TSC1: variants seen among roughly 807,000 people sequenced by gnomAD.
The protein encoded by TSC1 is hamartin.
TSC1 carries 20 observed loss-of-function variants against 124.3 expected under a neutral mutation model. The ratio of observed to expected loss-of-function variants is 0.16; its 90% CI spans 0.11 to 0.23. The LOEUF is 0.23. TSC1 is among the 10% of genes least tolerant of loss of function. The pLI is 1.00. For synonymous variants in TSC1, 493 were observed against 539.1 expected (o/e 0.91, Z 1.19); for missense variants, 1,124 against 1,448.5 (o/e 0.78, Z 3.64).
rs2131999442 is a variant in TSC1, at chr9:132,912,358, G to C, written c.837C>G (p.His279Gln). Residue 279 changes from histidine to glutamine, a missense_variant, in exon 9 of 23, where the codon CAC becomes CAG. Transcript: ENST00000298552. Reference protein sequence around the residue: ...ASYEDGYSVSHQISARFPHRS... With the variant: ...ASYEDGYSVSQQISARFPHRS... ...GATGAGGAAAGCGGGCTGAGATTTG[G>C]TGAGACACAGAATAGCCATCTTCAT... The C allele has an allele frequency of 6.2e-7, 1 of 1,614,218 alleles. No individual in the cohort carries two copies. The highest frequency in any genetic ancestry group is 8.5e-7 in the Non-Finnish European group (1 of 1,180,048).
At chr9:132,900,909 G>A in intron 19 of TSC1, 72 bp from the exon 20 acceptor site, 2 of 1,605,912 alleles carry the variant, frequency 1.2e-6, no homozygotes, top group Admixed American at 3.3e-5. Context: ...ATTAAACAGG[G>A]AATCAGCTAG....
chr9:132,900,305 C>CA (rs1845299812), intron 20 of TSC1: 1 of 263,276 alleles, frequency 3.8e-6, no homozygotes, highest in African/African-American at 2.2e-5. Context: ...ACTGAACTAC[C>CA]ATCTGCAGAA....
chr9:132,900,635 C>T (rs1406057714), intron 20 of TSC1, 80 bp downstream of exon 20: 2 of 1,606,624 alleles, frequency 1.2e-6, no homozygotes, highest in Non-Finnish European at 1.7e-6. Context: ...TCAAGCCATT[C>T]TCTATGCCAT....
chr9:132,930,927 G>A (rs760822847), intron 2 of TSC1, among the ~76,000 whole-genome samples: 4 of 152,128 alleles, frequency 2.6e-5, no homozygotes, highest in Non-Finnish European at 4.4e-5. Context: ...AGATTCTACC[G>A]TAAAAGTTCA....
intron 12 of TSC1, among the ~76,000 whole-genome samples, chr9:132,909,172 G>C (rs1845820108): frequency 6.6e-6 from 1 of 152,058 alleles, no homozygotes; most frequent in South Asian, 2.1e-4. Context: ...CAAAGTGCTG[G>C]GTTACAGGTG....
intron 1 of TSC1, among the ~76,000 whole-genome samples, chr9:132,940,087 T>G (rs883838): frequency 0.42 from 64,340 of 151,874 alleles, 14,757 homozygotes; most frequent in South Asian, 0.6. Context: ...TTCTGCCAGG[T>G]GCTAAAGGTA....
Position 132,906,578 on chromosome 9 carries a change from T to A in TSC1, c.1438+153A>T. On this transcript the variant is annotated intron_variant, in intron 14 of 22. Transcript: ENST00000298552. The surrounding 1 kb of genome is among the most constrained non-coding windows in gnomAD (Gnocchi z 4.1). ...AAAAAAAAAAAAAAAGTGGCATCACTTTACCTGGCATAGGTCCCAGACTAA... is the reference window on the plus strand; with the variant it reads ...AAAAAAAAAAAAAAAGTGGCATCACATTACCTGGCATAGGTCCCAGACTAA... 1.5e-6 allele frequency: 1 copy of A among 665,068 alleles called. No individual in the cohort carries two copies. Among genetic ancestry groups the A allele is most frequent in the Non-Finnish European group, 2.6e-6 (1 of 384,518 alleles). The allele number at this position is 665,068 out of a possible 1,614,324, so 41.2% of individuals were successfully genotyped here.
At chr9:132,910,160 G>T in intron 12 of TSC1, 1 of 309,482 alleles carries the variant, frequency 3.2e-6, no homozygotes. Flanking sequence ...ACTTAGCCAG[G>T]CATCATGGCA....
chr9:132,941,349 C>T (rs1847727631), intron 1 of TSC1: 1 of 152,138 alleles, frequency 6.6e-6, no homozygotes, highest in African/African-American at 2.4e-5. Context: ...CATAAAGTTA[C>T]TAATTTCTAG....
Position 132,906,238 on chromosome 9 carries a change from CAGAG to C in TSC1, c.1439-103_1439-100del, listed in dbSNP as rs1845665397. 4.4e-6 allele frequency: 6 copies of C among 1,359,936 alleles called. No individual in the cohort carries two copies. Among genetic ancestry groups the C allele is most frequent in the African/African-American group, 4.3e-5 (3 of 69,660 alleles). 84.2% of individuals were successfully genotyped at this position (1,359,936 alleles called of 1,614,324 possible). ...CATGCTGCCACATGCCAGTGTCACT[CAGAG>C]AGAGGAGAAAAAGTGGCATCCGGCT... On this transcript the variant is annotated intron_variant, in intron 14 of 22. Transcript: ENST00000298552. The surrounding 1 kb of genome is among the most constrained non-coding windows in gnomAD (Gnocchi z 4.1).
At chr9:132,914,699 A>T (rs1180826911) in intron 8 of TSC1, among the ~76,000 whole-genome samples, 1 of 137,764 alleles carries the variant, frequency 7.3e-6, no homozygotes, top group East Asian at 2.0e-4. Context: ...TTAAAAAAAA[A>T]ATACAAAAAA....
At chr9:132,908,371 G>A (rs550551957) in intron 12 of TSC1, among the ~76,000 whole-genome samples, 21 of 152,200 alleles carry the variant, frequency 1.4e-4, no homozygotes, top group Non-Finnish European at 2.6e-4. Flanking sequence ...CATTCAGTCT[G>A]TTGCAATATG....
At chr9:132,911,672 C>T (rs528801431) in intron 9 of TSC1, 104 bp from the exon 10 acceptor site, 1 of 681,376 alleles carries the variant, frequency 1.5e-6, no homozygotes, top group Non-Finnish European at 2.5e-6. Flanking sequence ...TCCTCTAGAC[C>T]ATTTGATAAT....
In TSC1 at chr9:132,894,693, T is replaced by TAAA. The variant is rs748099884; in HGVS notation, c.*1539_*1541dup. On this transcript the variant is annotated 3_prime_UTR_variant, in exon 23 of 23. Transcript: ENST00000298552. ...GATGCTAGAATATTTATTGCCATGC[T>TAAA]AAAAAAAAAAAAAAAAAAAAAAGAC... is the stretch of plus-strand genomic sequence containing the variant. 7 of 114,072 alleles carry TAAA rather than the reference T, an allele frequency of 6.1e-5. No individual in the cohort carries two copies. Among genetic ancestry groups the TAAA allele is most frequent in the African/African-American group, 1.2e-4 (3 of 25,380 alleles). The allele number at this position is 114,072 out of a possible 1,614,324, so 7.1% of individuals were successfully genotyped here. A position where few individuals can be genotyped will look rare whatever the true frequency, so the allele number is the denominator to read the frequency against.
chr9:132,894,783 T>G lies in TSC1; in HGVS notation c.*1452A>C, dbSNP rs969974293. The G allele has an allele frequency of 1.1e-4, 24 of 226,760 alleles. No individual in the cohort carries two copies. Among genetic ancestry groups the G allele is most frequent in the Non-Finnish European group, 1.8e-4 (20 of 114,224 alleles). 14.0% of individuals were successfully genotyped at this position (226,760 alleles called of 1,614,324 possible). On this transcript the variant is annotated 3_prime_UTR_variant, in exon 23 of 23. Transcript: ENST00000298552. Reference sequence around the variant, plus strand: ...TTTCGTACCGTGACAGTTTTTTACCTCTTTATGACTGAATCCTTCTATTCT... The same window carrying G: ...TTTCGTACCGTGACAGTTTTTTACCGCTTTATGACTGAATCCTTCTATTCT...
intron 8 of TSC1, among the ~76,000 whole-genome samples, chr9:132,919,615 A>G (rs1441792322): frequency 6.6e-6 from 1 of 152,184 alleles, no homozygotes; most frequent in East Asian, 1.9e-4. Flanking sequence ...ATCCTTCCTC[A>G]AAAAGCTCCT....
rs1243659943 is a variant in TSC1, at chr9:132,923,479, A to G, written c.377T>C (p.Val126Ala). 6.2e-7 allele frequency: 1 copy of G among 1,614,142 alleles called. No homozygotes were observed. Among genetic ancestry groups the G allele is most frequent in the Admixed American group, 1.7e-5 (1 of 60,018 alleles). Residue 126 changes from valine (V) to alanine (A), a missense_variant, in exon 6 of 23, where the codon GTC (valine) becomes GCC (alanine). Val to Ala is a moderately conservative substitution (Grantham distance 64, BLOSUM62 0). Around this residue, in one of 5 missense-constraint regions of TSC1, gnomAD observed 463 missense variants for 606.8 expected, o/e 0.76. Coordinates refer to ENST00000298552, the MANE Select transcript of TSC1 (RefSeq NM_000368.5). The surrounding 1 kb of genome is among the most constrained non-coding windows in gnomAD (Gnocchi z 4.2). ...CAAGACGCCTGTTGTGAGGACAACGACGTCAGTGTCCATCTGCAGGAGAAA... is the reference window on the plus strand; with the variant it reads ...CAAGACGCCTGTTGTGAGGACAACGGCGTCAGTGTCCATCTGCAGGAGAAA... ...LLKCLKMDTD[V>A]VVLTTGVLVL... is the part of the protein sequence containing the mutation.
intron 8 of TSC1, among the ~76,000 whole-genome samples, chr9:132,913,164 C>T (rs1846059126): frequency 1.3e-5 from 2 of 152,148 alleles, no homozygotes; most frequent in African/African-American, 2.4e-5. Context: ...ACTTACTGGC[C>T]TCAAATGATC....
At position 132,891,427 on chromosome 9, in the gene TSC1, G is replaced by C. The variant is rs1844766948; in HGVS notation, c.*4808C>G. The C allele has an allele frequency of 4.3e-6, 1 of 233,416 alleles. No homozygotes were observed. The highest frequency in any genetic ancestry group is 6.0e-5 in the East Asian group (1 of 16,534). 14.5% of individuals were successfully genotyped at this position (233,416 alleles called of 1,614,324 possible). A position where few individuals can be genotyped will look rare whatever the true frequency, so the allele number is the denominator to read the frequency against. ...TTGACATTTTAGAACATTCTAAGAAGGACAGCAAACTCTTTTGATTCCAAT... is the reference window on the plus strand; with the variant it reads ...TTGACATTTTAGAACATTCTAAGAACGACAGCAAACTCTTTTGATTCCAAT... On this transcript the variant is annotated 3_prime_UTR_variant, in exon 23 of 23. Transcript: ENST00000298552.
Sources: allele counts gnomAD v4.1 joint callset (sites outside exome capture counted in the v4.1 genomes callset), GRCh38; gene constraint gnomAD v4.1.1; regional missense constraint gnomAD v4.1.1; non-coding constraint Gnocchi (gnomAD v3.1); transcripts MANE v1.5; gene names NCBI Gene and HGNC (gene_info 2026-07-23, HGNC 2026-07-21).